The following TTN variants were observed in gnomAD, a reference collection of about 807,000 sequenced individuals.
The protein encoded by TTN is connectin.
Under a neutral mutation model 3,223.0 loss-of-function variants are expected in TTN, and 1,525 were observed. The observed-to-expected ratio is 0.47, with a 90% CI of 0.45 to 0.49. TTN has a LOEUF of 0.49. Ranked by LOEUF, TTN falls within the 20% of genes least tolerant of loss-of-function variation. The pLI, the probability that TTN is intolerant of heterozygous loss-of-function variation, is 0.00. For synonymous variants in TTN, 14,094 were observed against 15,161.0 expected (o/e 0.93, Z 5.17); for missense variants, 40,786 against 43,424.0 (o/e 0.94, Z 5.40).
At position 178,785,908 on chromosome 2, in the gene TTN, C is replaced by T. The variant is rs541547610; in HGVS notation, c.2310G>A (p.Gln770=). 6.2e-7 allele frequency: 1 copy of T among 1,614,084 alleles called. No individual in the cohort carries two copies. The highest frequency in any genetic ancestry group is 1.1e-5 in the South Asian group (1 of 91,078). Residue 770 remains glutamine (Q), a synonymous_variant, in exon 14 of 363, where the codon CAG becomes CAA. Coordinates refer to ENST00000589042, the MANE Select transcript of TTN (RefSeq NM_001267550.2). ...TTTTGATATGAGTCTCAGAAGGAGC[C>T]TGGATTACTCTAGGCTTGACTGCTT... ...VPKAVKPRVI[Q]APSETHIKTT... is the part of the protein sequence containing the mutation.
Position 178,582,037 on chromosome 2 carries a change from A to T in TTN, c.66332T>A (p.Ile22111Lys), listed in dbSNP as rs374614550. ...ACCTGTTGCTTTTAATGTTCTTTCTATAATAGGTTTTCTGTTGACCTTAGT... is the reference window on the plus strand; with the variant it reads ...ACCTGTTGCTTTTAATGTTCTTTCTTTAATAGGTTTTCTGTTGACCTTAGT... The part of the protein sequence containing the change: ...NWTKVNRKPI[I>K]ERTLKATGLQ... Residue 22111 changes from isoleucine (I) to lysine (K), a missense_variant, in exon 315 of 363, where the codon ATA becomes AAA. By Grantham distance (102) the Ile-to-Lys change is moderately radical. Transcript: ENST00000589042. 16 of 1,613,254 alleles carry T rather than the reference A, an allele frequency of 9.9e-6. No homozygotes were observed. The highest frequency in any genetic ancestry group is 1.4e-5 in the Non-Finnish European group (16 of 1,179,482).
In TTN at chr2:178,802,126, CCAG is replaced by C. The variant is rs776144819; in HGVS notation, c.295+9_295+11del. 15 of 1,613,824 alleles carry C rather than the reference CCAG, an allele frequency of 9.3e-6. No individual in the cohort carries two copies. The highest frequency in any genetic ancestry group is 3.4e-6 in the Non-Finnish European group (4 of 1,180,002). On this transcript the variant is annotated intron_variant, in intron 3 of 362. Coordinates refer to ENST00000589042, the MANE Select transcript of TTN (RefSeq NM_001267550.2). Reference sequence around the variant, plus strand: ...GGGGGAGCAGAGGATTGGCAGGTCCCCAGCAGCCTACCTTTCACGAGAAGCTCA... The same window carrying C: ...GGGGGAGCAGAGGATTGGCAGGTCCCCAGCCTACCTTTCACGAGAAGCTCA...
chr2:178,707,964 A>G (rs577333427), intron 99 of TTN, among the ~76,000 whole-genome samples, 151 bp from the exon 100 acceptor site: 5 of 152,200 alleles, frequency 3.3e-5, no homozygotes, highest in Admixed American at 2.0e-4. Context: ...ATTCCTCTCT[A>G]AAGACAATAG....
At chr2:178,582,810 TA>T in intron 313 of TTN, 129 bp downstream of exon 313, 1 of 979,854 alleles carries the variant, frequency 1.0e-6, no homozygotes, top group Non-Finnish European at 1.4e-6. Flanking sequence ...GGTTCTGTCA[TA>T]AGAATAATTC....
rs760839592 is a variant in TTN, at chr2:178,720,580, T to C, written c.23182A>G (p.Thr7728Ala). The change falls in exon 80 of 363, where the codon ACT becomes GCT. Residue 7728 changes from threonine (T) to alanine (A), a missense_variant. By Grantham distance (58) the Thr-to-Ala change is moderately conservative. Transcript: ENST00000589042. ...ACCCATACTACTTCAAATGGGGGAG[T>C]TCCCGAAATTTCACATTGGAGAATC... is the stretch of plus-strand genomic sequence containing the variant. ...DVILQCEISG[T>A]PPFEVVWVKD... 1.9e-6 allele frequency: 3 copies of C among 1,613,366 alleles called. No homozygotes were observed. The Admixed American group carries it at 5.0e-5, about 27-fold the overall frequency.
chr2:178,631,191 A>C lies in TTN; in HGVS notation c.43857T>G (p.Phe14619Leu), dbSNP rs202179380. 16 of 1,613,120 alleles carry C rather than the reference A, an allele frequency of 9.9e-6. No individual in the cohort carries two copies. The highest frequency in any genetic ancestry group is 1.3e-5 in the Non-Finnish European group (15 of 1,179,594). ...ATGGCTTTATTTCCTTCCCATCCTT[A>C]AACCATTTCACTGGTGCATCTGCTT... ...ISKADAPVKW[F>L]KDGKEIKPSK... The change falls in exon 237 of 363, where the codon TTT becomes TTG. Residue 14619 changes from phenylalanine to leucine, a missense_variant. Coordinates refer to ENST00000589042, the MANE Select transcript of TTN (RefSeq NM_001267550.2).
chr2:178,798,219 T>C (rs955972985), intron 6 of TTN, among the ~76,000 whole-genome samples: 7 of 152,176 alleles, frequency 4.6e-5, no homozygotes, highest in African/African-American at 1.7e-4. Context: ...TTATAAAAAA[T>C]TTTCTTGGCA....
chr2:178,556,771 G>A, intron 330 of TTN, 77 bp downstream of exon 330: 1 of 1,522,286 alleles, frequency 6.6e-7, no homozygotes, highest in East Asian at 2.3e-5. Context: ...TTATTCTATA[G>A]GATTAGAACC....
chr2:178,688,300 A>ATCCATCTGTAG, intron 126 of TTN, 76 bp from the exon 127 acceptor site: 2 of 1,279,510 alleles, frequency 1.6e-6, no homozygotes, highest in Non-Finnish European at 2.3e-6. Flanking sequence ...GTCACTACAG[A>ATCCATCTGTAG]TGGATAACTG....
Position 178,732,213 on chromosome 2 carries a change from C to T in TTN, c.16756G>A (p.Glu5586Lys), listed in dbSNP as rs2080668204. The T allele has an allele frequency of 1.2e-6, 2 of 1,613,824 alleles. No homozygotes were observed. Among genetic ancestry groups the T allele is most frequent in the Non-Finnish European group, 1.7e-6 (2 of 1,179,780 alleles). ...TWFANDREIKESSKHRMSFVE... is the reference protein window; with the variant it reads ...TWFANDREIKKSSKHRMSFVE... ...AAAGACATTCTGTGTTTGCTGCTCT[C>T]CTTAATTTCTCTATCATTTGCAAAC... Residue 5586 changes from glutamate (E) to lysine (K), a missense_variant, in exon 57 of 363, where the codon GAG (glutamate) becomes AAG (lysine). Transcript: ENST00000589042.
At chr2:178,647,820 C>G (rs1286369936) in intron 213 of TTN, among the ~76,000 whole-genome samples, 1 of 152,130 alleles carries the variant, frequency 6.6e-6, no homozygotes, top group Non-Finnish European at 1.5e-5. Flanking sequence ...GCTCCTGATA[C>G]ACACTCCCAA....
At chr2:178,679,759 A>G (rs1247404725) in intron 140 of TTN, 77 bp from the exon 141 acceptor site, 1 of 1,538,648 alleles carries the variant, frequency 6.5e-7, no homozygotes, top group Non-Finnish European at 8.8e-7. Context: ...TAGAAATCAT[A>G]TTTCAGCATC....
chr2:178,550,952 G>C lies in TTN; in HGVS notation c.91564+15C>G. The C allele has an allele frequency of 6.2e-7, 1 of 1,609,292 alleles. No homozygotes were observed. On this transcript the variant is annotated intron_variant, in intron 336 of 362. Coordinates refer to ENST00000589042, the MANE Select transcript of TTN (RefSeq NM_001267550.2). The stretch of plus-strand genomic sequence containing the variant: ...ATGCTCTTAGTCTCATTGGAAATAA[G>C]TTGTAAATGCTTACCATTTTCATCT...
In TTN at chr2:178,767,762, A is replaced by T. The variant is rs879192388; in HGVS notation, c.9468T>A (p.Val3156=). 2 of 1,613,896 alleles carry T rather than the reference A, an allele frequency of 1.2e-6. No homozygotes were observed. Among genetic ancestry groups the T allele is most frequent in the African/African-American group, 2.7e-5 (2 of 74,940 alleles). Reference sequence around the variant, plus strand: ...ACATTTAGTATGTAGACAATACCTGAACCTCCTTTTTAATACTTCGGATGC... The same window carrying T: ...ACATTTAGTATGTAGACAATACCTGTACCTCCTTTTTAATACTTCGGATGC... The part of the protein sequence containing the change: ...DVRIRSIKKE[V]QVIEKQRAVV... The change falls in exon 40 of 363, where the codon GTT becomes GTA. Residue 3156 remains valine (V), a synonymous_variant. Coordinates refer to ENST00000589042, the MANE Select transcript of TTN (RefSeq NM_001267550.2).
Position 178,636,503 on chromosome 2 carries a change from T to C in TTN, c.41224A>G (p.Lys13742Glu). 1 of 1,613,446 alleles carries C rather than the reference T, an allele frequency of 6.2e-7. No individual in the cohort carries two copies. The highest frequency in any genetic ancestry group is 1.7e-5 in the Admixed American group (1 of 59,988). The change falls in exon 225 of 363, where the codon AAG (lysine) becomes GAG (glutamate). Residue 13742 changes from lysine (K) to glutamate (E), a missense_variant. Physicochemically the swap from Lys to Glu is moderately conservative, Grantham distance 56. Coordinates refer to ENST00000589042, the MANE Select transcript of TTN (RefSeq NM_001267550.2). This position sits in a 1 kb window ranked among gnomAD's most constrained non-coding sequence, Gnocchi z 4.3. ...HRFIADGKDRKLHIIDVQLSD... is the reference protein window; with the variant it reads ...HRFIADGKDRELHIIDVQLSD... ...AGTTGAACATCAATGATGTGCAGCTTTCTGTCTTTACCATCTGCAATAAAC... is the reference window on the plus strand; with the variant it reads ...AGTTGAACATCAATGATGTGCAGCTCTCTGTCTTTACCATCTGCAATAAAC...
chr2:178,793,293 T>G (rs2093607990), intron 9 of TTN, 111 bp downstream of exon 9: 2 of 1,456,984 alleles, frequency 1.4e-6, no homozygotes, highest in Non-Finnish European at 1.9e-6. Context: ...ATCTTATTAG[T>G]ATGCTAACAA....
At position 178,620,558 on chromosome 2, in the gene TTN, G is replaced by T. The variant is rs2058106190; in HGVS notation, c.45963C>A (p.Phe15321Leu). 2.5e-6 allele frequency: 4 copies of T among 1,611,708 alleles called. No individual in the cohort carries two copies. The highest frequency in any genetic ancestry group is 2.5e-6 in the Non-Finnish European group (3 of 1,178,784). Reference protein sequence around the residue: ...IETMEKKSVTFWCKVNRLNVT... With the variant: ...IETMEKKSVTLWCKVNRLNVT... ...CATTGAGACGATTCACCTTGCACCA[G>T]AATGTGACAGATTTCTTCTCCATTG... Residue 15321 changes from phenylalanine to leucine, a missense_variant, in exon 248 of 363, where the codon TTC (phenylalanine) becomes TTA (leucine). Physicochemically the swap from Phe to Leu is conservative, Grantham distance 22. Coordinates refer to ENST00000589042, the MANE Select transcript of TTN (RefSeq NM_001267550.2).
At chr2:178,598,418 G>T in intron 292 of TTN, 88 bp downstream of exon 292, 6 of 1,468,332 alleles carry the variant, frequency 4.1e-6, no homozygotes, top group Non-Finnish European at 5.5e-6. Context: ...AATCCAAAAA[G>T]TATAGACAGA....
chr2:178,747,687 G>C, intron 47 of TTN: 2 of 1,612,790 alleles, frequency 1.2e-6, no homozygotes, highest in Non-Finnish European at 1.7e-6. Context: ...TATTGTGTTA[G>C]GGAGGTCTCA....
Sources: allele counts gnomAD v4.1 joint callset (sites outside exome capture counted in the v4.1 genomes callset), GRCh38; gene constraint gnomAD v4.1.1; non-coding constraint Gnocchi (gnomAD v3.1); transcripts MANE v1.5; gene names NCBI Gene and HGNC (gene_info 2026-07-23, HGNC 2026-07-21).